VDAC1: variants seen among roughly 807,000 people sequenced by gnomAD.
The protein encoded by VDAC1 is voltage dependent anion channel 1.
In VDAC1, 10 loss-of-function variants were observed where a neutral mutation model predicts 34.7. The ratio of observed to expected loss-of-function variants is 0.29; its 90% CI spans 0.18 to 0.49. The LOEUF (loss-of-function observed/expected upper bound fraction) is 0.49. VDAC1 is among the 20% of genes least tolerant of loss of function. The pLI is 0.99. For missense variants in VDAC1, 230 were observed against 347.9 expected (o/e 0.66, Z 2.69); for synonymous variants, 130 against 136.0 (o/e 0.96, Z 0.30).
chr5:134,034,430 C>T, the VDAC1 span, among the ~76,000 whole-genome samples: 1 of 152,100 alleles, frequency 6.6e-6, no homozygotes, highest in Non-Finnish European at 1.5e-5. Flanking sequence ...CCAGTGTTCT[C>T]TGGAGAGAAA....
At chr5:133,981,144 C>T in intron 5 of VDAC1, 188 bp from the exon 6 acceptor site, 1 of 589,628 alleles carries the variant, frequency 1.7e-6, no homozygotes. Flanking sequence ...CACAGGGACT[C>T]AGTCTGCAGA....
the VDAC1 span, among the ~76,000 whole-genome samples, chr5:134,058,031 G>A: frequency 2.0e-5 from 3 of 151,996 alleles, no homozygotes; most frequent in Non-Finnish European, 4.4e-5. Context: ...CAAGTAGCTG[G>A]AATTACAGGC....
At chr5:134,008,782 A>C (rs1235882220), upstream of VDAC1, among the ~76,000 whole-genome samples, 1 of 152,230 alleles carries the variant, frequency 6.6e-6, no homozygotes, top group Admixed American at 6.5e-5. Flanking sequence ...TTTTAAAGAG[A>C]AAGATATTCT....
At chr5:134,042,827 C>T in the VDAC1 span, among the ~76,000 whole-genome samples, 1 of 152,178 alleles carries the variant, frequency 6.6e-6, no homozygotes, top group Non-Finnish European at 1.5e-5. Context: ...CACCATCTTA[C>T]CTGCCTGTTG....
chr5:134,101,046 A>G, the VDAC1 span, among the ~76,000 whole-genome samples: 5 of 152,250 alleles, frequency 3.3e-5, no homozygotes, highest in Non-Finnish European at 5.9e-5. Context: ...AGACCACCAG[A>G]GCTGATTTCT....
the VDAC1 span, among the ~76,000 whole-genome samples, chr5:134,039,358 T>A: frequency 6.6e-6 from 1 of 152,182 alleles, no homozygotes; most frequent in Non-Finnish European, 1.5e-5. Flanking sequence ...AGACGGAGTC[T>A]CCCTCTGTCG....
At chr5:134,051,264 C>A in the VDAC1 span, among the ~76,000 whole-genome samples, 2 of 152,244 alleles carry the variant, frequency 1.3e-5, no homozygotes, top group African/African-American at 2.4e-5. Flanking sequence ...TGGTCCCAAC[C>A]CAGCTCTGAT....
the VDAC1 span, among the ~76,000 whole-genome samples, chr5:134,089,846 G>A: frequency 6.6e-6 from 1 of 152,122 alleles, no homozygotes; most frequent in African/African-American, 2.4e-5. Context: ...AAAAAAATTA[G>A]CCAGGCATGG....
rs1227183529 is a variant in VDAC1, at chr5:133,980,921, C to T, written c.359G>A (p.Arg120Gln). Residue 120 changes from arginine (R) to glutamine (Q), a missense_variant, in exon 6 of 9, where the codon CGG becomes CAG. By Grantham distance (43) the Arg-to-Gln change is conservative. Coordinates refer to ENST00000265333, the MANE Select transcript of VDAC1 (RefSeq NM_003374.3). ...KNAKIKTGYKREHINLGCDMD... is the reference protein window; with the variant it reads ...KNAKIKTGYKQEHINLGCDMD... ...GTCGCAGCCCAGGTTAATGTGCTCC[C>T]GCTTGTACCCTGTCTTGATTTTAGC... 3.7e-6 allele frequency: 6 copies of T among 1,614,054 alleles called. No individual in the cohort carries two copies. Among genetic ancestry groups the T allele is most frequent in the East Asian group, 2.2e-5 (1 of 44,880 alleles).
chr5:134,016,870 G>A, the VDAC1 span, among the ~76,000 whole-genome samples: 1 of 152,164 alleles, frequency 6.6e-6, no homozygotes, highest in Non-Finnish European at 1.5e-5. Context: ...GATGTGTACG[G>A]CTGAGACCCT....
chr5:134,018,441 A>G, the VDAC1 span, among the ~76,000 whole-genome samples: 7 of 152,188 alleles, frequency 4.6e-5, no homozygotes, highest in African/African-American at 1.7e-4. Flanking sequence ...TGAGATTTGG[A>G]GGAGACACAT....
chr5:134,021,271 T>C, the VDAC1 span, among the ~76,000 whole-genome samples: 2 of 152,096 alleles, frequency 1.3e-5, no homozygotes, highest in Middle Eastern at 3.4e-3. Context: ...ATGTGCCATG[T>C]TGGTTTGCTG....
chr5:134,009,035 G>A (rs975527185), upstream of VDAC1, among the ~76,000 whole-genome samples: 14 of 152,038 alleles, frequency 9.2e-5, no homozygotes, highest in African/African-American at 3.4e-4. Context: ...GGGGAAACAG[G>A]ACAGAAAGCA....
At chr5:134,089,861 G>A in the VDAC1 span, among the ~76,000 whole-genome samples, 3 of 152,240 alleles carry the variant, frequency 2.0e-5, no homozygotes, top group South Asian at 2.1e-4. Flanking sequence ...GCATGGTGGC[G>A]CATGCCTGTA....
the VDAC1 span, among the ~76,000 whole-genome samples, chr5:134,024,003 G>A: frequency 6.6e-6 from 1 of 151,090 alleles, no homozygotes; most frequent in South Asian, 2.1e-4. Flanking sequence ...AATTAGCCAG[G>A]CATGGTGATG....
Position 133,983,068 on chromosome 5 carries a change from G to A in VDAC1, c.324-2112C>T, listed in dbSNP as rs527435010. Reference sequence around the variant, plus strand: ...AGTTCGAGCCCAGCCTGACCAACACGGAGAAATCCCGTCTCTACTAAAAAC... The same window carrying A: ...AGTTCGAGCCCAGCCTGACCAACACAGAGAAATCCCGTCTCTACTAAAAAC... On this transcript the variant is annotated intron_variant, in intron 5 of 8. Coordinates refer to ENST00000265333, the MANE Select transcript of VDAC1 (RefSeq NM_003374.3). 6.6e-5 allele frequency among the ~76,000 whole-genome samples: 10 copies of A among 151,400 alleles called. No homozygotes were observed. The South Asian group carries it at 2.1e-3, about 32-fold the overall frequency.
chr5:134,013,671 G>A, the VDAC1 span, among the ~76,000 whole-genome samples: 2 of 152,162 alleles, frequency 1.3e-5, no homozygotes, highest in African/African-American at 2.4e-5. Flanking sequence ...GGCTGGGCAC[G>A]GTGGCTCACA....
At chr5:134,107,539 G>A in the VDAC1 span, among the ~76,000 whole-genome samples, 8 of 152,210 alleles carry the variant, frequency 5.3e-5, no homozygotes, top group East Asian at 1.9e-4. Flanking sequence ...CAGGCTGAAC[G>A]TCCTGGCAGC....
At chr5:134,085,162 G>A in the VDAC1 span, among the ~76,000 whole-genome samples, 24 of 151,498 alleles carry the variant, frequency 1.6e-4, no homozygotes, top group Non-Finnish European at 3.2e-4. Flanking sequence ...TCCGCCTCCC[G>A]GGTTCACGCC....
Sources: gnomAD v4.1 joint callset for allele counts (sites outside exome capture counted in the v4.1 genomes callset) on GRCh38, gnomAD v4.1.1 for gene constraint, MANE v1.5 for transcripts, NCBI Gene and HGNC (gene_info 2026-07-23, HGNC 2026-07-21) for gene names.